GLIS3: variants seen among roughly 807,000 people sequenced by gnomAD.
The protein encoded by GLIS3 is zinc finger protein GLIS3.
In GLIS3, 53 loss-of-function variants were observed where a neutral mutation model predicts 78.6. That is an observed-to-expected ratio of 0.67 (90% confidence interval 0.54 to 0.85). The LOEUF is 0.85. GLIS3 is among the 40% of genes least tolerant of loss of function. The pLI is 0.00. For missense variants in GLIS3, 1,703 were observed against 1,231.1 expected (o/e 1.38, Z -5.74); for synonymous variants, 684 against 509.9 (o/e 1.34, Z -4.60).
At chr9:4,010,329 A>T (rs1821899440) in intron 4 of GLIS3, among the ~76,000 whole-genome samples, 1 of 152,188 alleles carries the variant, frequency 6.6e-6, no homozygotes, top group Non-Finnish European at 1.5e-5. Flanking sequence ...TGGGAAGATG[A>T]TAACATCAAT....
intron 1 of GLIS3, among the ~76,000 whole-genome samples, chr9:4,297,713 G>T (rs552795947): frequency 6.6e-6 from 1 of 152,234 alleles, no homozygotes; most frequent in South Asian, 2.1e-4. Flanking sequence ...CAGAGATGAG[G>T]GCCAAGCGGA....
At chr9:4,418,821 G>C in the GLIS3 span, among the ~76,000 whole-genome samples, 2,334 of 152,328 alleles carry the variant, frequency 0.015, 32 homozygotes, top group Non-Finnish European at 0.025. Context: ...AAGATTTCAA[G>C]TGGTACAGAT....
the GLIS3 span, among the ~76,000 whole-genome samples, chr9:4,441,853 C>G: frequency 6.6e-6 from 1 of 152,298 alleles, no homozygotes; most frequent in African/African-American, 2.4e-5. Context: ...GATCTGCCCA[C>G]CTCGGCCTCC....
At chr9:4,345,030 G>C (rs1372246022) in intron 2 of GLIS3, among the ~76,000 whole-genome samples, 1 of 152,162 alleles carries the variant, frequency 6.6e-6, no homozygotes, top group East Asian at 1.9e-4. Context: ...TCCCTCTTCA[G>C]TCTATTGTTA....
At chr9:4,221,436 A>C (rs1821320665) in intron 2 of GLIS3, among the ~76,000 whole-genome samples, 1 of 152,238 alleles carries the variant, frequency 6.6e-6, no homozygotes, top group South Asian at 2.1e-4. Context: ...AACATGTGCA[A>C]AACACATGTA....
intron 4 of GLIS3, among the ~76,000 whole-genome samples, chr9:3,985,604 G>A (rs1290472070): frequency 1.3e-5 from 2 of 152,172 alleles, no homozygotes; most frequent in African/African-American, 2.4e-5. Context: ...CACAGATTGT[G>A]TAGATATACA....
the GLIS3 span, among the ~76,000 whole-genome samples, chr9:4,445,321 C>T: frequency 6.6e-6 from 1 of 152,210 alleles, no homozygotes; most frequent in South Asian, 2.1e-4. Flanking sequence ...AAGCAGGAAG[C>T]GACAATAGAA....
intron 1 of GLIS3, among the ~76,000 whole-genome samples, chr9:4,347,532 G>A (rs896700445): frequency 1.3e-5 from 2 of 152,184 alleles, no homozygotes; most frequent in Non-Finnish European, 2.9e-5. Context: ...AGAAGACCTG[G>A]AAGTGGAGCT....
At chr9:4,254,780 T>C (rs954547303) in intron 2 of GLIS3, among the ~76,000 whole-genome samples, 4 of 147,178 alleles carry the variant, frequency 2.7e-5, no homozygotes, top group East Asian at 4.0e-4. Context: ...GCGGAGGTTG[T>C]AGTGAGCCAA....
At chr9:4,460,973 G>T in the GLIS3 span, among the ~76,000 whole-genome samples, 1 of 152,136 alleles carries the variant, frequency 6.6e-6, no homozygotes, top group East Asian at 1.9e-4. Flanking sequence ...AGAAAATTTT[G>T]TTCTCATCCA....
At chr9:3,926,273 C>G (rs1338215199) in intron 6 of GLIS3, among the ~76,000 whole-genome samples, 1 of 150,384 alleles carries the variant, frequency 6.6e-6, no homozygotes, top group African/African-American at 2.4e-5. Flanking sequence ...CTCTGTCACC[C>G]ACACTAGAGT....
At chr9:3,849,050 G>C (rs1015729361) in intron 9 of GLIS3, among the ~76,000 whole-genome samples, 3 of 152,244 alleles carry the variant, frequency 2.0e-5, no homozygotes, top group Admixed American at 1.3e-4. Flanking sequence ...TGAGGAGGTA[G>C]CTTCATGGTG....
At chr9:4,393,227 C>T in the GLIS3 span, among the ~76,000 whole-genome samples, 13 of 152,216 alleles carry the variant, frequency 8.5e-5, no homozygotes, top group African/African-American at 2.9e-4. Flanking sequence ...TCTCTCTCTA[C>T]ATACACATTT....
chr9:4,054,507 T>C (rs1191247220), intron 4 of GLIS3: 11 of 985,182 alleles, frequency 1.1e-5, no homozygotes, highest in South Asian at 4.7e-5. Context: ...GGTACAGAAA[T>C]GGCAGTCTAC....
At chr9:4,484,000 G>A in the GLIS3 span, among the ~76,000 whole-genome samples, 2 of 152,158 alleles carry the variant, frequency 1.3e-5, no homozygotes, top group African/African-American at 2.4e-5. Flanking sequence ...TTAGAAGAGC[G>A]CCTGGTATAT....
At chr9:4,181,043 C>T (rs754833544) in intron 2 of GLIS3, among the ~76,000 whole-genome samples, 3 of 152,210 alleles carry the variant, frequency 2.0e-5, no homozygotes, top group Non-Finnish European at 2.9e-5. Context: ...GTAAGATGAG[C>T]TGAGTCAAAC....
the GLIS3 span, among the ~76,000 whole-genome samples, chr9:4,438,131 G>C: frequency 6.6e-6 from 1 of 152,084 alleles, no homozygotes; most frequent in Non-Finnish European, 1.5e-5. Context: ...CCAGTGCTCT[G>C]AACACTTATG....
chr9:4,163,026 T>C (rs1167598907), intron 2 of GLIS3, among the ~76,000 whole-genome samples: 3 of 152,150 alleles, frequency 2.0e-5, no homozygotes, highest in African/African-American at 7.2e-5. Flanking sequence ...CACATGAGGA[T>C]GGAGAGGGGA....
intron 2 of GLIS3, among the ~76,000 whole-genome samples, chr9:4,197,877 G>C (rs557251928): frequency 2.0e-5 from 3 of 152,066 alleles, no homozygotes; most frequent in Non-Finnish European, 4.4e-5. Context: ...AAAGCCAAAA[G>C]ACCATACCCA....
Sources: gnomAD v4.1 joint callset for allele counts (sites outside exome capture counted in the v4.1 genomes callset) on GRCh38, gnomAD v4.1.1 for gene constraint, MANE v1.5 for transcripts, NCBI Gene and HGNC (gene_info 2026-07-23, HGNC 2026-07-21) for gene names.